The following DNAI7 variants were observed in gnomAD, a reference collection of about 807,000 sequenced individuals.
DNAI7 encodes the protein cancer susceptibility 1.
Under a neutral mutation model 86.6 loss-of-function variants are expected in DNAI7, and 78 were observed. The observed-to-expected ratio is 0.90, with a 90% CI of 0.75 to 1.09. The LOEUF (loss-of-function observed/expected upper bound fraction) is 1.09. Among genes scored for constraint, DNAI7 ranks in the 50% least tolerant of loss-of-function variants. DNAI7 has a pLI of 0.00. For missense variants in DNAI7, 753 were observed against 810.2 expected, an observed-to-expected ratio of 0.93 and a Z score of 0.86; for synonymous variants, 274 against 273.0, an observed-to-expected ratio of 1.00 and a Z score of -0.04.
Position 25,149,708 on chromosome 12 carries a change from T to G in DNAI7, c.505A>C (p.Ile169Leu). 2 of 1,578,228 alleles carry G rather than the reference T, an allele frequency of 1.3e-6. No individual in the cohort carries two copies. The highest frequency in any genetic ancestry group is 1.7e-6 in the Non-Finnish European group (2 of 1,149,004). The change falls in exon 7 of 16, where the codon ATA becomes CTA. Residue 169 changes from isoleucine (I) to leucine (L), a missense_variant. Coordinates refer to ENST00000395987, the MANE Select transcript of DNAI7 (RefSeq NM_018272.5). Reference protein sequence around the residue: ...PPCDLQDKNIIQYQESILQLQ... With the variant: ...PPCDLQDKNILQYQESILQLQ... ...TGTAGTATTGATTCTTGGTACTGTA[T>G]TATATTTTTATCTTGCAAATCACAT...
chr12:25,170,570 C>A (rs1948031523), intron 2 of DNAI7, among the ~76,000 whole-genome samples: 1 of 152,002 alleles, frequency 6.6e-6, no homozygotes, highest in African/African-American at 2.4e-5. Context: ...AGACAGGTCA[C>A]CAAGACAGAA....
intron 2 of DNAI7, among the ~76,000 whole-genome samples, chr12:25,162,893 C>T (rs1423878569): frequency 6.6e-6 from 1 of 152,168 alleles, no homozygotes; most frequent in Non-Finnish European, 1.5e-5. Flanking sequence ...CACACATGGG[C>T]TCAAATTTAT....
At chr12:25,179,210 T>C (rs1949268485) in intron 2 of DNAI7, among the ~76,000 whole-genome samples, 1 of 152,178 alleles carries the variant, frequency 6.6e-6, no homozygotes, top group Non-Finnish European at 1.5e-5. Flanking sequence ...ATTTTTACCT[T>C]CAATATAATA....
chr12:25,174,652 G>GGAATATATATCATATATATGGAATATAT (rs1565813373), intron 2 of DNAI7, among the ~76,000 whole-genome samples: 1 of 77,896 alleles, frequency 1.3e-5, no homozygotes, highest in Non-Finnish European at 2.4e-5. Context: ...ATGGAATATA[G>GGAATATATATCATATATATGGAATATAT]ATATCATATA....
chr12:25,131,610 G>A (rs1942935451), intron 9 of DNAI7, among the ~76,000 whole-genome samples: 1 of 152,158 alleles, frequency 6.6e-6, no homozygotes, highest in African/African-American at 2.4e-5. Context: ...CCAGCTTGCA[G>A]AATCCGTAAA....
chr12:25,163,328 T>C (rs1396964646), intron 2 of DNAI7, among the ~76,000 whole-genome samples: 1 of 152,038 alleles, frequency 6.6e-6, no homozygotes, highest in Non-Finnish European at 1.5e-5. Context: ...AAAGTGAAAA[T>C]GGCCTGTTCC....
intron 9 of DNAI7, among the ~76,000 whole-genome samples, chr12:25,143,836 A>G (rs1177465367): frequency 1.3e-5 from 2 of 152,220 alleles, no homozygotes; most frequent in African/African-American, 2.4e-5. Flanking sequence ...TAGCTTGACA[A>G]TCTTGCCAAC....
intron 2 of DNAI7, among the ~76,000 whole-genome samples, chr12:25,167,212 T>C (rs1947586925): frequency 6.6e-6 from 1 of 152,184 alleles, no homozygotes; most frequent in East Asian, 1.9e-4. Flanking sequence ...TTAGAACCTC[T>C]CATTTCCTTT....
Position 25,161,166 on chromosome 12 carries a change from G to A in DNAI7, c.53C>T (p.Ala18Val). 5.6e-6 allele frequency: 9 copies of A among 1,613,806 alleles called. No homozygotes were observed. Among genetic ancestry groups the A allele is most frequent in the Non-Finnish European group, 7.6e-6 (9 of 1,179,892 alleles). The change falls in exon 3 of 16, where the codon GCT (alanine) becomes GTT (valine). Residue 18 changes from alanine to valine, a missense_variant. By Grantham distance (64) the Ala-to-Val change is moderately conservative. Coordinates refer to ENST00000395987, the MANE Select transcript of DNAI7 (RefSeq NM_018272.5). ...CTCTTGTAGCAGCTTCAATCGTTCA[G>A]CTTTGGTGACTTTCTTTTTCTTACT... is the stretch of plus-strand genomic sequence containing the variant. ...SGSKKKKVTKAERLKLLQEEE... is the reference protein window; with the variant it reads ...SGSKKKKVTKVERLKLLQEEE...
chr12:25,147,841 C>A (rs1945066960), intron 7 of DNAI7, among the ~76,000 whole-genome samples: 1 of 152,142 alleles, frequency 6.6e-6, no homozygotes, highest in East Asian at 1.9e-4. Flanking sequence ...CCGAACACAC[C>A]AAGTTTAGAA....
chr12:25,157,967 C>A (rs1158885030), intron 4 of DNAI7, among the ~76,000 whole-genome samples: 1 of 151,986 alleles, frequency 6.6e-6, no homozygotes. Flanking sequence ...TGGTGGCTCA[C>A]GCCTGTAATC....
At chr12:25,162,380 G>C (rs546925208) in intron 2 of DNAI7, among the ~76,000 whole-genome samples, 1 of 152,288 alleles carries the variant, frequency 6.6e-6, no homozygotes, top group South Asian at 2.1e-4. Context: ...AGATCATTCA[G>C]GCAATTCTTG....
At chr12:25,133,040 C>T (rs1943113571) in intron 9 of DNAI7, among the ~76,000 whole-genome samples, 1 of 151,946 alleles carries the variant, frequency 6.6e-6, no homozygotes, top group Non-Finnish European at 1.5e-5. Flanking sequence ...CTGGTAAGTA[C>T]GAAAGGTCTT....
intron 14 of DNAI7, among the ~76,000 whole-genome samples, chr12:25,111,396 G>C (rs2140337760): frequency 6.6e-6 from 1 of 152,300 alleles, no homozygotes; most frequent in East Asian, 1.9e-4. Context: ...TACATTGGTG[G>C]TCCTTGTATT....
intron 2 of DNAI7, among the ~76,000 whole-genome samples, chr12:25,185,564 G>A (rs577309508): frequency 6.6e-6 from 1 of 152,132 alleles, no homozygotes; most frequent in Non-Finnish European, 1.5e-5. Flanking sequence ...TCATTTTTTG[G>A]TACAAATAAA....
At chr12:25,129,500 T>C (rs917823411) in intron 9 of DNAI7, among the ~76,000 whole-genome samples, 1 of 152,222 alleles carries the variant, frequency 6.6e-6, no homozygotes, top group Non-Finnish European at 1.5e-5. Context: ...TTAAAGGTTG[T>C]TGAATGTTAA....
At chr12:25,159,438 A>G (rs1946590097) in intron 3 of DNAI7, among the ~76,000 whole-genome samples, 1 of 152,126 alleles carries the variant, frequency 6.6e-6, no homozygotes, top group African/African-American at 2.4e-5. Flanking sequence ...AAAAAAGAAA[A>G]AAAAAAAGAA....
At chr12:25,147,155 T>C in intron 7 of DNAI7, 51 bp from the exon 8 acceptor site, 1 of 890,572 alleles carries the variant, frequency 1.1e-6, no homozygotes, top group Non-Finnish European at 1.8e-6. Flanking sequence ...TCATAAATTA[T>C]ACAAATTAGA....
intron 9 of DNAI7, among the ~76,000 whole-genome samples, chr12:25,141,803 CTGAG>C (rs988318276): frequency 2.0e-5 from 3 of 151,208 alleles, no homozygotes; most frequent in African/African-American, 7.3e-5. Context: ...GCTCTCCAGC[CTGAG>C]TGACAGAGTG....
Sources: gnomAD v4.1 joint callset for allele counts (sites outside exome capture counted in the v4.1 genomes callset) on GRCh38, gnomAD v4.1.1 for gene constraint, MANE v1.5 for transcripts, NCBI Gene and HGNC (gene_info 2026-07-23, HGNC 2026-07-21) for gene names.